The following JMY variants were observed in gnomAD, a reference collection of about 807,000 sequenced individuals.
JMY encodes junction-mediating and -regulatory protein.
JMY carries 46 observed loss-of-function variants against 103.3 expected under a neutral mutation model. The observed-to-expected ratio is 0.45, with a 90% confidence interval of 0.35 to 0.57. The LOEUF (loss-of-function observed/expected upper bound fraction) is 0.57, where lower values mean the gene tolerates loss of function less well. JMY is among the 20% of genes least tolerant of loss of function. JMY has a pLI of 0.00. For synonymous variants in JMY, 526 were observed against 489.3 expected (o/e 1.07, Z -0.99); for missense variants, 1,238 against 1,255.2 (o/e 0.99, Z 0.21).
intron 6 of JMY, among the ~76,000 whole-genome samples, chr5:79,303,976 CTGTG>C (rs1746812010): frequency 6.6e-6 from 1 of 152,130 alleles, no homozygotes; most frequent in African/African-American, 2.4e-5. Flanking sequence ...GCCCACAGAG[CTGTG>C]TACTCTTCTA....
rs1335650143 is a variant in JMY, at chr5:79,236,269, A to T, written c.-382A>T. 2.4e-5 allele frequency: 4 copies of T among 167,522 alleles called. No homozygotes were observed. Among genetic ancestry groups the T allele is most frequent in the Admixed American group, 1.9e-4 (3 of 15,634 alleles). The allele number at this position is 167,522 out of a possible 1,614,324, so 10.4% of individuals were successfully genotyped here. On this transcript the variant is annotated 5_prime_UTR_variant, in exon 1 of 11. Transcript: ENST00000396137. ...TGACCTGGGCGAGCGACCGGGACGC[A>T]TACAGCGCCGGCCTGACCCCGCGGG...
In JMY at chr5:79,323,621, G is replaced by T. The variant is rs562967086; in HGVS notation, c.*2019G>T. 6.6e-6 allele frequency: 1 copy of T among 152,264 alleles called. No individual in the cohort carries two copies. The highest frequency in any genetic ancestry group is 1.9e-4 in the East Asian group (1 of 5,186). 9.4% of individuals were successfully genotyped at this position (152,264 alleles called of 1,614,324 possible). On this transcript the variant is annotated 3_prime_UTR_variant, in exon 11 of 11. Coordinates refer to ENST00000396137, the MANE Select transcript of JMY (RefSeq NM_152405.5). ...CATATATCCAGTTCTTTGGGTGCTG[G>T]TTCACTTTTTTTCATTTATTCAAAT...
At chr5:79,260,284 T>C (rs933657451) in intron 1 of JMY, among the ~76,000 whole-genome samples, 6 of 151,798 alleles carry the variant, frequency 4.0e-5, no homozygotes, top group African/African-American at 1.2e-4. Context: ...ATGGTGGGGG[T>C]GGTTCAGTCA....
chr5:79,240,320 C>G (rs1236750304), intron 1 of JMY, among the ~76,000 whole-genome samples: 1 of 150,864 alleles, frequency 6.6e-6, no homozygotes, highest in African/African-American at 2.4e-5. Flanking sequence ...AGCCTCCCCC[C>G]GCCCCCTCCA....
chr5:79,291,379 A>G, intron 4 of JMY, 80 bp downstream of exon 4: 1 of 1,246,306 alleles, frequency 8.0e-7, no homozygotes, highest in Non-Finnish European at 1.1e-6. Flanking sequence ...CATTTTTTTG[A>G]TTCGATAGGC....
chr5:79,263,596 T>C (rs1191792102), intron 1 of JMY, among the ~76,000 whole-genome samples: 1 of 152,134 alleles, frequency 6.6e-6, no homozygotes. Context: ...GTTTTCACCA[T>C]GTGGCCCAGG....
intron 1 of JMY, among the ~76,000 whole-genome samples, chr5:79,269,698 G>T (rs1351362067): frequency 6.6e-6 from 1 of 151,776 alleles, no homozygotes; most frequent in African/African-American, 2.4e-5. Flanking sequence ...ATAACATTTG[G>T]AATTTTTTTT....
At position 79,277,890 on chromosome 5, in the gene JMY, G is replaced by A. The variant is rs752819797; in HGVS notation, c.1033-20G>A. ...TATTAGAATTGATTTTCTTAGTTGT[G>A]AAACTGTCTTGTTCCACAGCTCTTG... On this transcript the variant is annotated intron_variant, in intron 1 of 10. Transcript: ENST00000396137. The A allele has an allele frequency of 3.8e-6, 6 of 1,592,250 alleles. No individual in the cohort carries two copies. Among genetic ancestry groups the A allele is most frequent in the Non-Finnish European group, 5.1e-6 (6 of 1,165,754 alleles).
chr5:79,248,556 G>T (rs1035316004), intron 1 of JMY, among the ~76,000 whole-genome samples: 1 of 150,802 alleles, frequency 6.6e-6, no homozygotes, highest in Non-Finnish European at 1.5e-5. Flanking sequence ...TGATCCACCC[G>T]CCTCAGCCTC....
Position 79,237,058 on chromosome 5 carries a change from G to C in JMY, c.408G>C (p.Ala136=). 1 of 1,530,350 alleles carries C rather than the reference G, an allele frequency of 6.5e-7. No homozygotes were observed. The allele number at this position is 1,530,350 out of a possible 1,614,324, so 94.8% of individuals were successfully genotyped here. ...PRLRSPGSKG[A]ESRLRSPVRA... is the part of the protein sequence containing the mutation. ...TGCGGAGTCCTGGCAGCAAAGGGGC[G>C]GAGAGTCGTCTTAGGAGCCCAGTGC... Residue 136 remains alanine (A), a synonymous_variant, in exon 1 of 11, where the codon GCG becomes GCC. Coordinates refer to ENST00000396137, the MANE Select transcript of JMY (RefSeq NM_152405.5).
At chr5:79,276,684 G>A (rs1745946577) in intron 1 of JMY, among the ~76,000 whole-genome samples, 1 of 151,988 alleles carries the variant, frequency 6.6e-6, no homozygotes, top group African/African-American at 2.4e-5. Flanking sequence ...TCGGCTCACT[G>A]CAACCTCTGC....
intron 1 of JMY, among the ~76,000 whole-genome samples, chr5:79,241,420 A>G (rs1226093771): frequency 6.6e-6 from 1 of 152,234 alleles, no homozygotes; most frequent in African/African-American, 2.4e-5. Flanking sequence ...TAAAATTTTT[A>G]TAAATTGATA....
chr5:79,298,765 C>T (rs1746640208), intron 4 of JMY, among the ~76,000 whole-genome samples: 1 of 152,150 alleles, frequency 6.6e-6, no homozygotes, highest in Admixed American at 6.5e-5. Flanking sequence ...CTAACCATTG[C>T]TTTTCAGTTC....
rs1747625236 is a variant in JMY, at chr5:79,325,883, T to G, written c.*4281T>G. Reference sequence around the variant, plus strand: ...GGAGGGAGTCTAGATTCGGCGAGAGTGTGCGTTTGTGTGTGTGAATGTATG... The same window carrying G: ...GGAGGGAGTCTAGATTCGGCGAGAGGGTGCGTTTGTGTGTGTGAATGTATG... On this transcript the variant is annotated 3_prime_UTR_variant, in exon 11 of 11. Transcript: ENST00000396137. 1 of 151,904 alleles carries G rather than the reference T, an allele frequency of 6.6e-6. No homozygotes were observed. Among genetic ancestry groups the G allele is most frequent in the South Asian group, 2.1e-4 (1 of 4,822 alleles). The allele number at this position is 151,904 out of a possible 1,614,324, so 9.4% of individuals were successfully genotyped here.
intron 1 of JMY, among the ~76,000 whole-genome samples, chr5:79,240,169 C>T (rs773508589): frequency 3.2e-4 from 49 of 151,806 alleles, no homozygotes; most frequent in Admixed American, 8.5e-4. Flanking sequence ...GCGTGTGCCA[C>T]CTTGTCCGGC....
At chr5:79,260,206 G>A (rs543150205) in intron 1 of JMY, among the ~76,000 whole-genome samples, 7 of 152,206 alleles carry the variant, frequency 4.6e-5, no homozygotes, top group African/African-American at 1.4e-4. Flanking sequence ...CTTGGGATGC[G>A]GTAGGAAGCA....
Position 79,306,410 on chromosome 5 carries a change from A to G in JMY, c.1917A>G (p.Gln639=), listed in dbSNP as rs375096651. Reference sequence around the variant, plus strand: ...TTGCAAAACACAATGAAAAAATCCAACAGCGCACTCGGATTGAAGATGAAT... The same window carrying G: ...TTGCAAAACACAATGAAAAAATCCAGCAGCGCACTCGGATTGAAGATGAAT... ...ICIAKHNEKI[Q]QRTRIEDEYR... is the part of the protein sequence containing the mutation. The change falls in exon 7 of 11, where the codon CAA becomes CAG. Residue 639 remains glutamine (Q), a synonymous_variant. Transcript: ENST00000396137. 19 of 1,613,318 alleles carry G rather than the reference A, an allele frequency of 1.2e-5. No individual in the cohort carries two copies. Among genetic ancestry groups the G allele is most frequent in the Admixed American group, 3.3e-5 (2 of 60,002 alleles).
At chr5:79,294,572 C>T (rs1746514983) in intron 4 of JMY, among the ~76,000 whole-genome samples, 1 of 151,800 alleles carries the variant, frequency 6.6e-6, no homozygotes, top group African/African-American at 2.4e-5. Context: ...AAAAGTATAT[C>T]AGGGCCAGGC....
chr5:79,320,900 G>A (rs1747428862), intron 10 of JMY, among the ~76,000 whole-genome samples: 1 of 152,004 alleles, frequency 6.6e-6, no homozygotes, highest in Admixed American at 6.5e-5. Context: ...TGAATGCTAA[G>A]GATCTGATAC....
Sources: gnomAD v4.1 joint callset for allele counts (sites outside exome capture counted in the v4.1 genomes callset) on GRCh38, gnomAD v4.1.1 for gene constraint, MANE v1.5 for transcripts, NCBI Gene and HGNC (gene_info 2026-07-23, HGNC 2026-07-21) for gene names.